Variants in ROBO1 observed in about 807,000 individuals in gnomAD.
The protein encoded by ROBO1 is roundabout homolog 1.
ROBO1 carries 149 observed loss-of-function variants against 195.9 expected under a neutral mutation model. That is an observed-to-expected ratio of 0.76 (90% CI 0.67 to 0.87). The LOEUF is 0.87. ROBO1 is among the 40% of genes least tolerant of loss of function. The pLI is 0.00. For synonymous variants in ROBO1, 816 were observed against 733.2 expected (o/e 1.11, Z -1.82); for missense variants, 1,933 against 2,068.3 (o/e 0.93, Z 1.27).
At position 79,518,672 on chromosome 3, in the gene ROBO1, TTTA is replaced by T. The variant is rs200268209; in HGVS notation, c.88+71149_88+71151del. ...TAGATAATAAACATTCTCCAAATCT[TTTA>T]TTATTATTATTATTATTATTTTTAG... On this transcript the variant is annotated intron_variant, in intron 2 of 30. Coordinates refer to ENST00000464233, the MANE Select transcript of ROBO1 (RefSeq NM_002941.4). Among the ~76,000 whole-genome samples, 27 of 151,462 alleles carry T rather than the reference TTTA, an allele frequency of 1.8e-4. No individual in the cohort carries two copies. The East Asian group carries it at 3.1e-3, about 17-fold the overall frequency.
intron 2 of ROBO1, among the ~76,000 whole-genome samples, chr3:79,506,982 G>A (rs1441318016): frequency 6.6e-6 from 1 of 152,226 alleles, no homozygotes; most frequent in East Asian, 1.9e-4. Context: ...CACACTGCCA[G>A]TGCTTTATGC....
At chr3:79,029,427 G>A (rs2078255855) in intron 3 of ROBO1, among the ~76,000 whole-genome samples, 1 of 152,048 alleles carries the variant, frequency 6.6e-6, no homozygotes, top group Non-Finnish European at 1.5e-5. Context: ...AAATAATGGT[G>A]AATATTTATC....
intron 3 of ROBO1, among the ~76,000 whole-genome samples, chr3:78,976,535 C>T (rs1250487446): frequency 6.6e-6 from 1 of 152,136 alleles, no homozygotes; most frequent in East Asian, 1.9e-4. Flanking sequence ...AGGCACATAA[C>T]AAGCCAATTC....
chr3:79,032,206 G>A (rs2078308474), intron 3 of ROBO1, among the ~76,000 whole-genome samples: 2 of 151,952 alleles, frequency 1.3e-5, no homozygotes, highest in African/African-American at 4.8e-5. Context: ...GATATGTATT[G>A]AGCAAATTAT....
At chr3:78,849,442 C>CT (rs1393836119) in intron 4 of ROBO1, among the ~76,000 whole-genome samples, 1 of 152,078 alleles carries the variant, frequency 6.6e-6, no homozygotes, top group Non-Finnish European at 1.5e-5. Context: ...TAGGACAGCA[C>CT]TTTCACATGT....
In ROBO1 at chr3:79,362,981, T is replaced by C. The variant is rs542722904; in HGVS notation, c.88+226843A>G. 1.9e-4 allele frequency among the ~76,000 whole-genome samples: 29 copies of C among 152,268 alleles called. No individual in the cohort carries two copies. In the South Asian group the frequency reaches 5.4e-3, roughly 28 times the overall value. On this transcript the variant is annotated intron_variant, in intron 2 of 30. Transcript: ENST00000464233. Reference sequence around the variant, plus strand: ...CTTAATGTCTAAAAATGCCACACTTTCTCCTAGTCAGATTGGAAAGGGTAC... The same window carrying C: ...CTTAATGTCTAAAAATGCCACACTTCCTCCTAGTCAGATTGGAAAGGGTAC...
rs141762556 is a variant in ROBO1, at chr3:79,057,541, C to A, written c.172+67915G>T. ...AATCCTCCCTGATGGCAATGAAGAC[C>A]CATCTAACTAATCCCACCTCTCCTA... On this transcript the variant is annotated intron_variant, in intron 3 of 30. Transcript: ENST00000464233. 2.0e-5 allele frequency among the ~76,000 whole-genome samples: 3 copies of A among 152,114 alleles called. No individual in the cohort carries two copies. The East Asian group carries it at 5.9e-4, about 30-fold the overall frequency.
chr3:79,332,655 A>T (rs2034494647), intron 2 of ROBO1, among the ~76,000 whole-genome samples: 1 of 151,654 alleles, frequency 6.6e-6, no homozygotes, highest in African/African-American at 2.4e-5. Flanking sequence ...CTACAACGTT[A>T]AAATTAAATA....
intron 2 of ROBO1, among the ~76,000 whole-genome samples, chr3:79,209,764 T>A (rs1426033263): frequency 6.6e-6 from 1 of 152,106 alleles, no homozygotes; most frequent in East Asian, 1.9e-4. Context: ...TGTTTGCCCA[T>A]GATATGATTA....
intron 2 of ROBO1, among the ~76,000 whole-genome samples, chr3:79,226,735 T>A (rs1432383685): frequency 1.3e-5 from 2 of 151,882 alleles, no homozygotes; most frequent in Non-Finnish European, 2.9e-5. Flanking sequence ...TTTTTAGAGA[T>A]AAGGTCTCCG....
At chr3:79,450,735 A>G (rs552246647) in intron 2 of ROBO1, among the ~76,000 whole-genome samples, 1 of 151,888 alleles carries the variant, frequency 6.6e-6, no homozygotes, top group Non-Finnish European at 1.5e-5. Context: ...GAAAAACTAC[A>G]ATTTTAAATA....
intron 2 of ROBO1, among the ~76,000 whole-genome samples, chr3:79,531,483 C>T (rs1394557180): frequency 5.9e-5 from 9 of 151,966 alleles, no homozygotes. Flanking sequence ...ATTAACCAGG[C>T]TTGGTGGTGT....
intron 1 of ROBO1, among the ~76,000 whole-genome samples, chr3:79,655,603 A>T (rs963354199): frequency 6.6e-6 from 1 of 152,096 alleles, no homozygotes; most frequent in Non-Finnish European, 1.5e-5. Flanking sequence ...GCTTCAACAA[A>T]AACATTCCAT....
rs916939254 is a variant in ROBO1 at position 79,435,000 on chromosome 3, G to A, written c.88+154824C>T. 1.2e-4 allele frequency among the ~76,000 whole-genome samples: 18 copies of A among 152,212 alleles called. 1 individual carries two copies. In the Middle Eastern group the frequency reaches 0.01, roughly 86 times the overall value. On this transcript the variant is annotated intron_variant, in intron 2 of 30. Transcript: ENST00000464233. ...ACACCGCATGTTCTCACTCATAGGTGGGAATTGAACAATGAGAACACTTGG... is the reference window on the plus strand; with the variant it reads ...ACACCGCATGTTCTCACTCATAGGTAGGAATTGAACAATGAGAACACTTGG...
chr3:79,249,580 A>G (rs776804954), intron 2 of ROBO1, among the ~76,000 whole-genome samples: 2 of 152,192 alleles, frequency 1.3e-5, no homozygotes, highest in African/African-American at 4.8e-5. Context: ...GTATCTTGCT[A>G]CAACAGGGAA....
At position 78,685,881 on chromosome 3, in the gene ROBO1, T is replaced by C. The variant is rs1442501611; in HGVS notation, c.1207A>G (p.Ser403Gly). The C allele has an allele frequency of 3.1e-6, 5 of 1,605,106 alleles. No individual in the cohort carries two copies. The highest frequency in any genetic ancestry group is 4.3e-6 in the Non-Finnish European group (5 of 1,174,692). The change falls in exon 10 of 31, where the codon AGC becomes GGC. Residue 403 changes from serine (S) to glycine (G), a missense_variant. Physicochemically the swap from Ser to Gly is moderately conservative, Grantham distance 56 (BLOSUM62 0). Transcript: ENST00000464233. Reference sequence around the variant, plus strand: ...CCAGTCTGGGAGACTGAAAATCGGCTGGATGACTGTGGTGGTTGATATGAG... The same window carrying C: ...CCAGTCTGGGAGACTGAAAATCGGCCGGATGACTGTGGTGGTTGATATGAG... The part of the protein sequence containing the change: ...LFSYQPPQSS[S>G]RFSVSQTGDL...
At chr3:78,916,569 A>G (rs984267155) in intron 4 of ROBO1, among the ~76,000 whole-genome samples, 2 of 151,842 alleles carry the variant, frequency 1.3e-5, no homozygotes, top group African/African-American at 4.8e-5. Context: ...AAAAAAAAAA[A>G]AAAAGAAAAA....
chr3:79,487,183 A>AGTTTAAAAACTTGTTTTTTAACAAAACAT (rs1553751520), intron 2 of ROBO1, among the ~76,000 whole-genome samples: 1 of 149,974 alleles, frequency 6.7e-6, no homozygotes, highest in Non-Finnish European at 1.5e-5. Flanking sequence ...ATGTATAAGA[A>AGTTTAAAAACTTGTTTTTTAACAAAACAT]GTTAAAAAAC....
chr3:78,696,251 G>A (rs2081287621), intron 8 of ROBO1, among the ~76,000 whole-genome samples: 1 of 151,576 alleles, frequency 6.6e-6, no homozygotes, highest in Admixed American at 6.6e-5. Flanking sequence ...GTTCCTTTCT[G>A]CTTTTAAGGT....
Sources: allele counts gnomAD v4.1 joint callset (sites outside exome capture counted in the v4.1 genomes callset), GRCh38; gene constraint gnomAD v4.1.1; transcripts MANE v1.5; gene names NCBI Gene and HGNC (gene_info 2026-07-23, HGNC 2026-07-21).